The following CFAP95 variants were observed in gnomAD, a reference collection of about 807,000 sequenced individuals.
The protein encoded by CFAP95 is cilia- and flagella-associated protein 95.
At chr9:69,821,027 T>G in the CFAP95 span, 1 of 1,613,214 alleles carries the variant, frequency 6.2e-7, no homozygotes, top group Non-Finnish European at 8.5e-7. Flanking sequence ...GTTGGTGTAT[T>G]CCTGGTGAGC....
the CFAP95 span, among the ~76,000 whole-genome samples, chr9:69,896,478 T>G: frequency 6.6e-6 from 1 of 152,228 alleles, no homozygotes; most frequent in Non-Finnish European, 1.5e-5. Flanking sequence ...GATATTTATA[T>G]TTCTATCCAC....
the CFAP95 span, among the ~76,000 whole-genome samples, chr9:69,853,807 C>T: frequency 6.6e-6 from 1 of 152,144 alleles, no homozygotes; most frequent in Non-Finnish European, 1.5e-5. Flanking sequence ...TATGTATTGT[C>T]AGAGACCAAT....
chr9:69,855,183 G>A, the CFAP95 span, among the ~76,000 whole-genome samples: 1 of 152,164 alleles, frequency 6.6e-6, no homozygotes, highest in Admixed American at 6.5e-5. Flanking sequence ...CACAGAATAA[G>A]CACTCATTCT....
the CFAP95 span, chr9:69,844,583 G>A: frequency 1.9e-6 from 3 of 1,613,370 alleles, no homozygotes; most frequent in Non-Finnish European, 2.5e-6. Context: ...TTAAAAAACT[G>A]TGTAATTCAA....
the CFAP95 span, among the ~76,000 whole-genome samples, chr9:69,834,546 A>G: frequency 6.6e-6 from 1 of 152,230 alleles, no homozygotes; most frequent in Non-Finnish European, 1.5e-5. Flanking sequence ...ACATTTATTT[A>G]ACATTTAAAC....
chr9:69,837,199 A>G, the CFAP95 span, among the ~76,000 whole-genome samples: 3 of 152,180 alleles, frequency 2.0e-5, no homozygotes, highest in East Asian at 1.9e-4. Flanking sequence ...ATACGTGTGC[A>G]TGTGTCTTTA....
At chr9:69,877,331 A>G in the CFAP95 span, among the ~76,000 whole-genome samples, 1 of 152,138 alleles carries the variant, frequency 6.6e-6, no homozygotes, top group Non-Finnish European at 1.5e-5. Context: ...TCATATGACT[A>G]TTAGGATTTG....
At chr9:69,837,632 C>A in the CFAP95 span, among the ~76,000 whole-genome samples, 2 of 152,054 alleles carry the variant, frequency 1.3e-5, no homozygotes, top group African/African-American at 4.8e-5. Context: ...TGGATATTAG[C>A]CCTTTGTCAG....
the CFAP95 span, among the ~76,000 whole-genome samples, chr9:69,860,800 A>G: frequency 6.6e-6 from 1 of 152,108 alleles, no homozygotes; most frequent in Admixed American, 6.6e-5. Context: ...GCCTAGGCCT[A>G]CACAGGGTCC....
chr9:69,877,441 C>T, the CFAP95 span, among the ~76,000 whole-genome samples: 3 of 152,174 alleles, frequency 2.0e-5, no homozygotes, highest in South Asian at 2.1e-4. Flanking sequence ...CCATTCCACA[C>T]GTACATAAAT....
chr9:69,888,128 A>T, the CFAP95 span, among the ~76,000 whole-genome samples: 1 of 152,186 alleles, frequency 6.6e-6, no homozygotes, highest in Non-Finnish European at 1.5e-5. Context: ...AATATAATGA[A>T]ATTCCAATGG....
chr9:69,880,584 A>G, the CFAP95 span, among the ~76,000 whole-genome samples: 79 of 152,272 alleles, frequency 5.2e-4, no homozygotes, highest in African/African-American at 1.8e-3. Flanking sequence ...GGTTACTTCC[A>G]AATCTTGGCT....
At chr9:69,899,473 C>T in the CFAP95 span, among the ~76,000 whole-genome samples, 1 of 152,164 alleles carries the variant, frequency 6.6e-6, no homozygotes, top group African/African-American at 2.4e-5. Context: ...AGTGTTTAAT[C>T]CCTCCTGAAG....
At chr9:69,858,213 T>C in the CFAP95 span, 1 of 499,724 alleles carries the variant, frequency 2.0e-6, no homozygotes, top group Non-Finnish European at 3.6e-6. Flanking sequence ...AAATTTTTCT[T>C]CTCTGTAAAA....
the CFAP95 span, among the ~76,000 whole-genome samples, chr9:69,870,236 A>T: frequency 6.6e-6 from 1 of 152,238 alleles, no homozygotes; most frequent in Admixed American, 6.5e-5. Context: ...AAGAAGAGTT[A>T]GGCACCGGGA....
the CFAP95 span, among the ~76,000 whole-genome samples, chr9:69,883,036 A>C: frequency 1.8e-4 from 27 of 152,056 alleles, no homozygotes; most frequent in Admixed American, 4.6e-4. Context: ...CAGTTCTTTA[A>C]ATGTTTGGTA....
At chr9:69,897,143 A>G in the CFAP95 span, among the ~76,000 whole-genome samples, 1 of 152,254 alleles carries the variant, frequency 6.6e-6, no homozygotes, top group Non-Finnish European at 1.5e-5. Context: ...TATGCTGGAA[A>G]TAATGAAACA....
At chr9:69,835,637 A>G in the CFAP95 span, among the ~76,000 whole-genome samples, 2 of 152,236 alleles carry the variant, frequency 1.3e-5, no homozygotes, top group Non-Finnish European at 2.9e-5. Flanking sequence ...TCATCTAATC[A>G]ATCAATCAGT....
chr9:69,823,735 T>C, the CFAP95 span, among the ~76,000 whole-genome samples: 1 of 152,128 alleles, frequency 6.6e-6, no homozygotes, highest in Non-Finnish European at 1.5e-5. Context: ...TGAAGGGAGA[T>C]AAGGGTGGGG....
Sources: gnomAD v4.1 joint callset for allele counts (sites outside exome capture counted in the v4.1 genomes callset) on GRCh38, gnomAD v4.1.1 for gene constraint, MANE v1.5 for transcripts, NCBI Gene and HGNC (gene_info 2026-07-23, HGNC 2026-07-21) for gene names.